The following RASGRF1 variants were observed in gnomAD, a reference collection of about 807,000 sequenced individuals.
The protein encoded by RASGRF1 is Ras protein specific guanine nucleotide releasing factor 1.
RASGRF1 carries 40 observed loss-of-function variants against 138.7 expected under a neutral mutation model. That is an observed-to-expected ratio of 0.29 (90% CI 0.22 to 0.38). The LOEUF (loss-of-function observed/expected upper bound fraction) is 0.38. Ranked by LOEUF, RASGRF1 falls within the 10% of genes least tolerant of loss-of-function variation. RASGRF1 has a pLI of 1.00. For synonymous variants in RASGRF1, 614 were observed against 663.2 expected, an observed-to-expected ratio of 0.93 and a Z score of 1.14; for missense variants, 1,108 against 1,650.4, an observed-to-expected ratio of 0.67 and a Z score of 5.69.
In RASGRF1 at chr15:78,973,451, T is replaced by C. The variant is rs374574707; in HGVS notation, c.3495-31A>G. Reference sequence around the variant, plus strand: ...AAGCAAACGGCATTAACACAAGTTTTTCATTTTAAAAAAGTAACGTCTACC... The same window carrying C: ...AAGCAAACGGCATTAACACAAGTTTCTCATTTTAAAAAAGTAACGTCTACC... On this transcript the variant is annotated intron_variant, in intron 24 of 26. Transcript: ENST00000558480. The surrounding 1 kb of genome is among the most constrained non-coding windows in gnomAD (Gnocchi z 4.9). 9 of 1,518,762 alleles carry C rather than the reference T, an allele frequency of 5.9e-6. No individual in the cohort carries two copies. Among genetic ancestry groups the C allele is most frequent in the Admixed American group, 1.8e-5 (1 of 55,308 alleles). The allele number at this position is 1,518,762 out of a possible 1,614,324, so 94.1% of individuals were successfully genotyped here.
At chr15:79,053,639 C>T (rs1313493437) in intron 3 of RASGRF1, among the ~76,000 whole-genome samples, 4 of 152,184 alleles carry the variant, frequency 2.6e-5, no homozygotes, top group Non-Finnish European at 5.9e-5. Context: ...GAGACTAAGT[C>T]AGCAGTGGAT....
chr15:78,991,537 G>T (rs925706504), intron 21 of RASGRF1, among the ~76,000 whole-genome samples, 154 bp downstream of exon 21: 1 of 152,202 alleles, frequency 6.6e-6, no homozygotes, highest in African/African-American at 2.4e-5. Flanking sequence ...ACGGGAACAG[G>T]CTTCTCTCCC....
At chr15:79,001,809 A>T (rs1390039520) in intron 15 of RASGRF1, 22 bp from the exon 16 acceptor site, 6 of 1,384,720 alleles carry the variant, frequency 4.3e-6, no homozygotes, top group Non-Finnish European at 4.8e-6. Context: ...GAAATAAATA[A>T]TTTTACTTTT....
In RASGRF1 at chr15:78,998,974, G is replaced by A. The variant is rs1006820177; in HGVS notation, c.2747-149C>T. On this transcript the variant is annotated intron_variant, in intron 17 of 26. Transcript: ENST00000558480. The stretch of plus-strand genomic sequence containing the variant: ...GGGATAACAACATGTTTAACAACTA[G>A]TGTCTGACCAATAGCACAGATGTCA... 7 of 645,936 alleles carry A rather than the reference G, an allele frequency of 1.1e-5. No homozygotes were observed. In the Middle Eastern group the frequency reaches 7.5e-4, roughly 69 times the overall value. 40.0% of individuals were successfully genotyped at this position (645,936 alleles called of 1,614,324 possible).
At chr15:79,001,461 T>G (rs1237130134) in intron 16 of RASGRF1, among the ~76,000 whole-genome samples, 1 of 151,994 alleles carries the variant, frequency 6.6e-6, no homozygotes, top group Non-Finnish European at 1.5e-5. Flanking sequence ...CCAGCCAATG[T>G]TCCAGTGCCC....
intron 2 of RASGRF1, 134 bp from the exon 3 acceptor site, chr15:79,058,615 A>C (rs2057542864): frequency 2.5e-6 from 3 of 1,179,058 alleles, no homozygotes; most frequent in Non-Finnish European, 3.5e-6. Context: ...AGCACCCTGC[A>C]GAGTGAGAGG....
intron 26 of RASGRF1, among the ~76,000 whole-genome samples, chr15:78,964,426 C>T (rs1313155674): frequency 2.0e-5 from 3 of 152,160 alleles, no homozygotes; most frequent in South Asian, 4.1e-4. Context: ...CCGCCTGCCT[C>T]GGCCTCCCAA....
In RASGRF1 at chr15:79,090,551, GC is replaced by G. The variant is rs1037868559; in HGVS notation, c.-54del. 1.9e-6 allele frequency: 3 copies of G among 1,582,180 alleles called. No homozygotes were observed. Among genetic ancestry groups the G allele is most frequent in the Admixed American group, 1.7e-5 (1 of 59,068 alleles). On this transcript the variant is annotated 5_prime_UTR_variant, in exon 1 of 27. Transcript: ENST00000558480. ...GCGCTTACATCTTCTCCGCGCAGCA[GC>G]CCCCCGTCCGTGCGCGCTGCGCGCT...
At chr15:79,015,223 T>A (rs1235959640) in intron 13 of RASGRF1, 104 bp downstream of exon 13, 1 of 1,137,618 alleles carries the variant, frequency 8.8e-7, no homozygotes, top group African/African-American at 1.5e-5. Context: ...AAGCCCAGCA[T>A]CTCTGAACCC....
chr15:79,083,113 C>A (rs1276466331), intron 1 of RASGRF1, among the ~76,000 whole-genome samples: 1 of 152,294 alleles, frequency 6.6e-6, no homozygotes. Flanking sequence ...AATGCCGGGT[C>A]GCCATGGCTG....
At chr15:79,051,750 C>T (rs114917549) in intron 3 of RASGRF1, among the ~76,000 whole-genome samples, 161 of 152,256 alleles carry the variant, frequency 1.1e-3, no homozygotes, top group East Asian at 6.8e-3. Context: ...ATCCTACATG[C>T]GCAGGCAACA....
At chr15:79,077,262 TTTA>T (rs1248678906) in intron 1 of RASGRF1, among the ~76,000 whole-genome samples, 1 of 152,182 alleles carries the variant, frequency 6.6e-6, no homozygotes, top group Non-Finnish European at 1.5e-5. Context: ...AAATTTATTA[TTTA>T]TTATTTGGCC....
intron 12 of RASGRF1, among the ~76,000 whole-genome samples, chr15:79,016,918 G>A (rs2056886825): frequency 6.6e-6 from 1 of 152,138 alleles, no homozygotes; most frequent in Non-Finnish European, 1.5e-5. Flanking sequence ...ACCATGGGGG[G>A]CCACCAACCT....
chr15:79,031,277 G>T, intron 8 of RASGRF1, 123 bp downstream of exon 8: 1 of 761,472 alleles, frequency 1.3e-6, no homozygotes, highest in Non-Finnish European at 2.1e-6. Context: ...GGCAAGCTGT[G>T]CCCCTCCCTT....
At chr15:79,089,345 G>T (rs12911236) in intron 1 of RASGRF1, among the ~76,000 whole-genome samples, 1 of 152,240 alleles carries the variant, frequency 6.6e-6, no homozygotes, top group Non-Finnish European at 1.5e-5. Flanking sequence ...AAGCTTAAAG[G>T]TGGCTCTCTC....
chr15:79,056,092 G>A (rs1008499302), intron 3 of RASGRF1, among the ~76,000 whole-genome samples: 1 of 152,142 alleles, frequency 6.6e-6, no homozygotes, highest in Non-Finnish European at 1.5e-5. Flanking sequence ...AGGCGTTTGA[G>A]CTTGGTAGGA....
At chr15:78,979,292 G>A (rs1220423039) in intron 24 of RASGRF1, 17 of 923,034 alleles carry the variant, frequency 1.8e-5, no homozygotes, top group Non-Finnish European at 2.1e-5. Flanking sequence ...GGAAGAAAAC[G>A]CAAAGAGGAG....
chr15:78,998,217 A>G lies in RASGRF1; in HGVS notation c.2854-9T>C. ...TCGTTGGTCTCAAAGTCCTGCCGGGAAGGTGTGATGGGTGGCTCTGGTTAC... is the reference window on the plus strand; with the variant it reads ...TCGTTGGTCTCAAAGTCCTGCCGGGGAGGTGTGATGGGTGGCTCTGGTTAC... On this transcript the variant is annotated splice_polypyrimidine_tract_variant and intron_variant, in intron 18 of 26. Coordinates refer to ENST00000558480, the MANE Select transcript of RASGRF1 (RefSeq NM_001145648.3). The G allele has an allele frequency of 6.2e-7, 1 of 1,609,754 alleles. No homozygotes were observed. The highest frequency in any genetic ancestry group is 8.5e-7 in the Non-Finnish European group (1 of 1,176,060).
At chr15:79,012,818 G>A (rs2056821450) in intron 13 of RASGRF1, among the ~76,000 whole-genome samples, 1 of 152,162 alleles carries the variant, frequency 6.6e-6, no homozygotes. Context: ...GAGTAGCTGG[G>A]ATTACAGGCG....
Sources: allele counts gnomAD v4.1 joint callset (sites outside exome capture counted in the v4.1 genomes callset), GRCh38; gene constraint gnomAD v4.1.1; non-coding constraint Gnocchi (gnomAD v3.1); transcripts MANE v1.5; gene names NCBI Gene and HGNC (gene_info 2026-07-23, HGNC 2026-07-21).